LHFPL3: variants seen among roughly 807,000 people sequenced by gnomAD.
The protein encoded by LHFPL3 is LHFPL tetraspan subfamily member 3 protein.
In LHFPL3, 5 loss-of-function variants were observed where a neutral mutation model predicts 19.3. The observed-to-expected ratio is 0.26, with a 90% CI of 0.14 to 0.54. LHFPL3 has a LOEUF of 0.54. LHFPL3 is among the 20% of genes least tolerant of loss of function. The pLI is 0.94. For missense variants in LHFPL3, 249 were observed against 307.4 expected (o/e 0.81, Z 1.42); for synonymous variants, 133 against 126.2 (o/e 1.05, Z -0.36).
chr7:104,502,109 C>T (rs1253798950), intron 1 of LHFPL3, among the ~76,000 whole-genome samples: 2 of 152,156 alleles, frequency 1.3e-5, no homozygotes, highest in Non-Finnish European at 2.9e-5. Context: ...CCTTTACATA[C>T]CAATATTGAG....
At chr7:104,787,625 A>T (rs1789945022) in intron 2 of LHFPL3, among the ~76,000 whole-genome samples, 1 of 152,142 alleles carries the variant, frequency 6.6e-6, no homozygotes, top group Non-Finnish European at 1.5e-5. Context: ...ATCACAGTTC[A>T]CTGCAGCCTT....
At chr7:104,344,004 T>C (rs1432466092) in intron 1 of LHFPL3, among the ~76,000 whole-genome samples, 1 of 152,184 alleles carries the variant, frequency 6.6e-6, no homozygotes, top group East Asian at 1.9e-4. Context: ...ATTTTTATTT[T>C]TGCAAATACT....
rs139210197 is a variant in LHFPL3, at chr7:104,522,633, C to T, written c.445+193409C>T. Among the ~76,000 whole-genome samples the T allele has an allele frequency of 3.4e-4, 52 of 152,096 alleles. 1 individual carries two copies. The East Asian group carries it at 8.7e-3, about 25-fold the overall frequency. ...AGATATGGTTCCTAGCCTCAAGAAA[C>T]CTAAAATCCAGCTGAACAGACAGGA... On this transcript the variant is annotated intron_variant, in intron 1 of 2. Coordinates refer to ENST00000424859, the MANE Select transcript of LHFPL3 (RefSeq NM_199000.3).
rs73712113 is a variant in LHFPL3 at position 104,379,619 on chromosome 7, A to T, written c.445+50395A>T. Among the ~76,000 whole-genome samples, 1,200 of 152,348 alleles carry T rather than the reference A, an allele frequency of 7.9e-3. 12 individuals are homozygous for T. The highest frequency in any genetic ancestry group is 0.027 in the African/African-American group (1,135 of 41,582). ...TGAGGAGGAGGGTGGTACAATAGAC[A>T]CATTGGCTGATGGACTTTTTTGTAG... On this transcript the variant is annotated intron_variant, in intron 1 of 2. Coordinates refer to ENST00000424859, the MANE Select transcript of LHFPL3 (RefSeq NM_199000.3).
intron 1 of LHFPL3, 122 bp downstream of exon 1, chr7:104,329,346 A>T: frequency 1.5e-6 from 2 of 1,296,172 alleles, no homozygotes; most frequent in South Asian, 3.1e-5. Flanking sequence ...TAATCCGCTC[A>T]GGCGTCGAGG....
At chr7:104,711,771 A>G (rs1793303346) in intron 1 of LHFPL3, among the ~76,000 whole-genome samples, 1 of 152,204 alleles carries the variant, frequency 6.6e-6, no homozygotes, top group South Asian at 2.1e-4. Flanking sequence ...GAGAAAACCC[A>G]GAAGAGATTT....
chr7:104,760,945 C>CAG (rs10645808), intron 2 of LHFPL3, among the ~76,000 whole-genome samples: 139,001 of 150,194 alleles, frequency 0.93, 64,385 homozygotes, highest in East Asian at 0.99. Context: ...AAAAAAAAAA[C>CAG]ATTACTTTGT....
At chr7:104,608,298 A>C (rs1452114888) in intron 1 of LHFPL3, among the ~76,000 whole-genome samples, 1 of 152,046 alleles carries the variant, frequency 6.6e-6, no homozygotes, top group Non-Finnish European at 1.5e-5. Context: ...CATATACACC[A>C]TGGGATACTA....
chr7:104,843,228 T>C (rs140033678), intron 2 of LHFPL3, among the ~76,000 whole-genome samples: 1 of 152,152 alleles, frequency 6.6e-6, no homozygotes, highest in African/African-American at 2.4e-5. Context: ...AACTCTGGAG[T>C]GCATTTAAAT....
intron 2 of LHFPL3, among the ~76,000 whole-genome samples, chr7:104,850,131 C>T (rs1234546110): frequency 1.3e-5 from 2 of 152,038 alleles, no homozygotes; most frequent in South Asian, 2.1e-4. Flanking sequence ...GGAGAAGCCC[C>T]GTCTCTACTA....
At chr7:104,608,736 T>G (rs1295648637) in intron 1 of LHFPL3, among the ~76,000 whole-genome samples, 1 of 152,132 alleles carries the variant, frequency 6.6e-6, no homozygotes. Context: ...CTTGTTTTTT[T>G]GAAGTGAGAA....
chr7:104,332,843 A>G (rs138402605), intron 1 of LHFPL3, among the ~76,000 whole-genome samples: 2 of 152,180 alleles, frequency 1.3e-5, no homozygotes, highest in East Asian at 3.9e-4. Flanking sequence ...TGTACAGACC[A>G]TGTCTTATAT....
chr7:104,346,310 T>C (rs1790063623), intron 1 of LHFPL3, among the ~76,000 whole-genome samples: 1 of 151,808 alleles, frequency 6.6e-6, no homozygotes, highest in East Asian at 1.9e-4. Context: ...TGTTATTCCA[T>C]ATTTTTAAGT....
rs142970812 is a variant in LHFPL3 at position 104,661,158 on chromosome 7, A to C, written c.446-75517A>C. 1.4e-3 allele frequency among the ~76,000 whole-genome samples: 211 copies of C among 152,296 alleles called. 1 individual carries two copies. Among genetic ancestry groups the C allele is most frequent in the African/African-American group, 4.8e-3 (198 of 41,578 alleles). On this transcript the variant is annotated intron_variant, in intron 1 of 2. Transcript: ENST00000424859. The stretch of plus-strand genomic sequence containing the variant: ...CTGGACCCAGAGCACAGTGAACATC[A>C]AGATGATGTCAAAGAAACTCAGGTT...
chr7:104,623,994 C>A (rs988221685), intron 1 of LHFPL3, among the ~76,000 whole-genome samples: 1 of 152,318 alleles, frequency 6.6e-6, no homozygotes, highest in Non-Finnish European at 1.5e-5. Flanking sequence ...AACTGAAACA[C>A]TGGACAAGCG....
Position 104,328,700 on chromosome 7 carries a change from G to C in LHFPL3, c.-80G>C, listed in dbSNP as rs894880227. The C allele has an allele frequency of 2.2e-5, 28 of 1,294,662 alleles. No homozygotes were observed. The highest frequency in any genetic ancestry group is 2.8e-5 in the Non-Finnish European group (26 of 935,388). The allele number at this position is 1,294,662 out of a possible 1,614,324, so 80.2% of individuals were successfully genotyped here. On this transcript the variant is annotated 5_prime_UTR_variant, in exon 1 of 3. Coordinates refer to ENST00000424859, the MANE Select transcript of LHFPL3 (RefSeq NM_199000.3). This position sits in a 1 kb window ranked among gnomAD's most constrained non-coding sequence, Gnocchi z 4.6. Reference sequence around the variant, plus strand: ...GGGGAGTTGCAGCGCGCGAGGCTCCGTGAGTGTGTCTCCTGCGCGCTGAGA... The same window carrying C: ...GGGGAGTTGCAGCGCGCGAGGCTCCCTGAGTGTGTCTCCTGCGCGCTGAGA...
intron 1 of LHFPL3, among the ~76,000 whole-genome samples, chr7:104,615,400 T>G (rs1791313183): frequency 6.6e-6 from 1 of 152,192 alleles, no homozygotes; most frequent in Admixed American, 6.5e-5. Flanking sequence ...CTACAAACAT[T>G]TTAAATAATC....
At position 104,510,647 on chromosome 7, in the gene LHFPL3, C is replaced by A. The variant is rs1039936992; in HGVS notation, c.445+181423C>A. Among the ~76,000 whole-genome samples, 3 of 151,514 alleles carry A rather than the reference C, an allele frequency of 2.0e-5. No individual in the cohort carries two copies. The South Asian group carries it at 6.2e-4, about 31-fold the overall frequency. ...CTAGGCAAAGAGTTCCTAGACTTGA[C>A]ATAAAAAACACAGTGCATAAAATGA... is the stretch of plus-strand genomic sequence containing the variant. On this transcript the variant is annotated intron_variant, in intron 1 of 2. Coordinates refer to ENST00000424859, the MANE Select transcript of LHFPL3 (RefSeq NM_199000.3).
chr7:104,447,190 T>G (rs1303183454), intron 1 of LHFPL3, among the ~76,000 whole-genome samples: 1 of 152,114 alleles, frequency 6.6e-6, no homozygotes. Flanking sequence ...GCTTTCAGCT[T>G]GAGTCTCAGA....
Sources: gnomAD v4.1 joint callset for allele counts (sites outside exome capture counted in the v4.1 genomes callset) on GRCh38, gnomAD v4.1.1 for gene constraint, Gnocchi (gnomAD v3.1) non-coding constraint, MANE v1.5 for transcripts, NCBI Gene and HGNC (gene_info 2026-07-23, HGNC 2026-07-21) for gene names.